Variants in MACROD2 observed in about 807,000 individuals in gnomAD.
The protein encoded by MACROD2 is ADP-ribose glycohydrolase MACROD2.
In MACROD2, 36 loss-of-function variants were observed where a neutral mutation model predicts 70.4. The ratio of observed to expected loss-of-function variants is 0.51; its 90% CI spans 0.39 to 0.68. MACROD2 has a LOEUF of 0.68. Ranked by LOEUF, MACROD2 falls within the 30% of genes least tolerant of loss-of-function variation. MACROD2 has a pLI of 0.00. For missense variants in MACROD2, 496 were observed against 538.4 expected, an observed-to-expected ratio of 0.92 and a Z score of 0.78; for synonymous variants, 172 against 178.8, an observed-to-expected ratio of 0.96 and a Z score of 0.30.
intron 3 of MACROD2, among the ~76,000 whole-genome samples, chr20:14,426,617 G>A (rs1391460422): frequency 6.6e-6 from 1 of 152,134 alleles, no homozygotes; most frequent in African/African-American, 2.4e-5. Context: ...TAGTTTTGCA[G>A]TATGATGATC....
chr20:14,729,988 A>G (rs2071576008), intron 5 of MACROD2, among the ~76,000 whole-genome samples: 1 of 152,200 alleles, frequency 6.6e-6, no homozygotes, highest in Non-Finnish European at 1.5e-5. Context: ...TAGGAGAATC[A>G]AATAGAAAAT....
At chr20:14,532,845 C>T (rs1007867792) in intron 4 of MACROD2, among the ~76,000 whole-genome samples, 1 of 152,116 alleles carries the variant, frequency 6.6e-6, no homozygotes, top group African/African-American at 2.4e-5. Context: ...GGTGATGCAT[C>T]GGGATTAGGC....
intron 4 of MACROD2, among the ~76,000 whole-genome samples, chr20:14,596,620 A>G (rs1982163065): frequency 6.6e-6 from 1 of 152,004 alleles, no homozygotes; most frequent in South Asian, 2.1e-4. Flanking sequence ...TTACCAAAAT[A>G]TTATGTTTAC....
At chr20:14,040,450 G>A (rs2053376463) in intron 2 of MACROD2, among the ~76,000 whole-genome samples, 1 of 152,144 alleles carries the variant, frequency 6.6e-6, no homozygotes, top group Admixed American at 6.5e-5. Flanking sequence ...AAGAGGTATT[G>A]TTTGGTTACA....
At chr20:14,077,894 C>CT (rs58677755) in intron 2 of MACROD2, among the ~76,000 whole-genome samples, 142 of 120,492 alleles carry the variant, frequency 1.2e-3, no homozygotes, top group Non-Finnish European at 1.5e-3. Context: ...AAAGGTTTTT[C>CT]TTTTTTTTTT....
intron 8 of MACROD2, among the ~76,000 whole-genome samples, chr20:15,650,968 A>C (rs1334919034): frequency 1.3e-5 from 2 of 152,182 alleles, no homozygotes; most frequent in African/African-American, 2.4e-5. Context: ...TCTTGGCATA[A>C]TCTCTTCTCT....
intron 5 of MACROD2, among the ~76,000 whole-genome samples, chr20:15,149,258 C>T (rs543429349): frequency 1.3e-5 from 2 of 152,064 alleles, no homozygotes; most frequent in South Asian, 2.1e-4. Context: ...TAGATTTCCA[C>T]GATGCAAAGG....
At chr20:14,592,614 C>T (rs536646071) in intron 4 of MACROD2, among the ~76,000 whole-genome samples, 39 of 152,028 alleles carry the variant, frequency 2.6e-4, no homozygotes, top group African/African-American at 8.7e-4. Context: ...ATTTTTGTAG[C>T]GACAGGGCCT....
In MACROD2 at chr20:15,323,836, C is replaced by T. The variant is rs184943003; in HGVS notation, c.540+93775C>T. On this transcript the variant is annotated intron_variant, in intron 6 of 17. Coordinates refer to ENST00000684519, the MANE Select transcript of MACROD2 (RefSeq NM_001351661.2). ...AGTGTCTAATGCCATCACACTCCCT[C>T]CTTTACCCTCACCCCAGGCTACACT... Among the ~76,000 whole-genome samples, 78 of 152,274 alleles carry T rather than the reference C, an allele frequency of 5.1e-4. 1 individual carries two copies. The highest frequency in any genetic ancestry group is 4.6e-3 in the South Asian group (22 of 4,824).
intron 3 of MACROD2, among the ~76,000 whole-genome samples, chr20:14,134,705 G>A (rs1294195090): frequency 3.3e-5 from 5 of 150,748 alleles, no homozygotes; most frequent in Admixed American, 6.6e-5. Flanking sequence ...CTCAGGAGGC[G>A]GAGGCAGGAG....
At chr20:14,840,714 G>T (rs190061354) in intron 5 of MACROD2, among the ~76,000 whole-genome samples, 3 of 152,250 alleles carry the variant, frequency 2.0e-5, no homozygotes, top group Admixed American at 6.5e-5. Flanking sequence ...TCATTGGAAA[G>T]GTTGACAGGT....
At chr20:15,928,960 G>T (rs1019475137) in intron 10 of MACROD2, among the ~76,000 whole-genome samples, 6 of 151,996 alleles carry the variant, frequency 3.9e-5, no homozygotes, top group African/African-American at 1.4e-4. Context: ...TTTTTTTAAA[G>T]TTAACTTAAA....
At chr20:15,424,382 G>A (rs1415642447) in intron 6 of MACROD2, among the ~76,000 whole-genome samples, 3 of 152,060 alleles carry the variant, frequency 2.0e-5, no homozygotes, top group African/African-American at 4.8e-5. Context: ...CCTAGTTAAC[G>A]GCATGATGGC....
intron 4 of MACROD2, among the ~76,000 whole-genome samples, chr20:14,680,939 T>G (rs1298529909): frequency 6.6e-6 from 1 of 152,102 alleles, no homozygotes; most frequent in Non-Finnish European, 1.5e-5. Context: ...AATAACAGAT[T>G]TATCACAACT....
At chr20:14,522,985 T>A (rs1289677522) in intron 4 of MACROD2, among the ~76,000 whole-genome samples, 3 of 152,200 alleles carry the variant, frequency 2.0e-5, no homozygotes, top group African/African-American at 7.2e-5. Flanking sequence ...TCACGCCTTT[T>A]ATACTTTTGA....
chr20:14,979,848 T>G (rs1373212495), intron 5 of MACROD2, among the ~76,000 whole-genome samples: 1 of 152,196 alleles, frequency 6.6e-6, no homozygotes, highest in Non-Finnish European at 1.5e-5. Flanking sequence ...GAGTTTTGCC[T>G]TTGTCACTAA....
chr20:15,119,508 A>G (rs1213708205), intron 5 of MACROD2, among the ~76,000 whole-genome samples: 3 of 152,212 alleles, frequency 2.0e-5, no homozygotes, highest in Non-Finnish European at 2.9e-5. Flanking sequence ...ACAAGATTGC[A>G]GTGATGTTAT....
At chr20:14,425,401 C>G (rs928410776) in intron 3 of MACROD2, among the ~76,000 whole-genome samples, 2 of 152,162 alleles carry the variant, frequency 1.3e-5, no homozygotes, top group African/African-American at 4.8e-5. Flanking sequence ...TGATATAGCT[C>G]TGTTCAGTGT....
chr20:14,710,878 A>T (rs1213371704), intron 5 of MACROD2, among the ~76,000 whole-genome samples: 2 of 152,130 alleles, frequency 1.3e-5, no homozygotes, highest in Non-Finnish European at 2.9e-5. Flanking sequence ...TCCACATCTA[A>T]GTATACAATC....
Sources: gnomAD v4.1 joint callset for allele counts (sites outside exome capture counted in the v4.1 genomes callset) on GRCh38, gnomAD v4.1.1 for gene constraint, MANE v1.5 for transcripts, NCBI Gene and HGNC (gene_info 2026-07-23, HGNC 2026-07-21) for gene names.